Variants in ZNF219 observed in about 807,000 individuals in gnomAD.
The protein encoded by ZNF219 is zinc finger protein 219.
In ZNF219, 17 loss-of-function variants were observed where a neutral mutation model predicts 54.4. That is an observed-to-expected ratio of 0.31 (90% CI 0.21 to 0.47). ZNF219 has a LOEUF of 0.47. Among genes scored for constraint, ZNF219 ranks in the 20% least tolerant of loss-of-function variants. The probability of loss-of-function intolerance (pLI) is 1.00; values close to 1 mark genes in which losing one functional copy is unlikely to be tolerated. For synonymous variants in ZNF219, 518 were observed against 476.4 expected, an observed-to-expected ratio of 1.09 and a Z score of -1.14; for missense variants, 1,014 against 1,062.3, an observed-to-expected ratio of 0.95 and a Z score of 0.63.
At chr14:21,094,345 T>C (rs1050969761) in intron 1 of ZNF219, 9 of 455,022 alleles carry the variant, frequency 2.0e-5, no homozygotes, top group African/African-American at 4.0e-5. Flanking sequence ...GAGTGGAAGT[T>C]AAGGGGCACA....
At position 21,090,648 on chromosome 14, in the gene ZNF219, G is replaced by C; in HGVS notation, c.2057C>G (p.Pro686Arg). ...RRPPQADASP[P>R]YARVPSGETP... ...CTCTCCTGATGGTACTCGGGCATAG[G>C]GCGGGGACGCGTCAGCCTGGGGTGG... Residue 686 changes from proline to arginine, a missense_variant, in exon 5 of 5, where the codon CCC becomes CGC. By Grantham distance (103) the Pro-to-Arg change is moderately radical. This residue lies in a region of ZNF219 where 281 missense variants were observed against 271.2 expected (regional missense o/e 1.04). Coordinates refer to ENST00000360947, the MANE Select transcript of ZNF219 (RefSeq NM_016423.3). The surrounding 1 kb of genome is among the most constrained non-coding windows in gnomAD (Gnocchi z 4.4). 2 of 1,612,564 alleles carry C rather than the reference G, an allele frequency of 1.2e-6. No homozygotes were observed. Among genetic ancestry groups the C allele is most frequent in the East Asian group, 4.5e-5 (2 of 44,872 alleles).
At chr14:21,091,567 G>C in intron 3 of ZNF219, 25 bp from the exon 4 acceptor site, 13 of 1,583,218 alleles carry the variant, frequency 8.2e-6, no homozygotes, top group Non-Finnish European at 1.1e-5. Context: ...TTAAGAGGAA[G>C]TCAGGGGGGC....
At chr14:21,093,762 G>A in intron 1 of ZNF219, 88 bp from the exon 2 acceptor site, 1 of 1,258,166 alleles carries the variant, frequency 7.9e-7, no homozygotes, top group Non-Finnish European at 1.1e-6. Context: ...TCAGCATTCT[G>A]TATTCCCAAA....
upstream of ZNF219, chr14:21,102,966 G>A: frequency 7.4e-7 from 1 of 1,353,820 alleles, no homozygotes; most frequent in South Asian, 1.4e-5. Flanking sequence ...GAGGAAACTG[G>A]GAATCCAAAT....
upstream of ZNF219, among the ~76,000 whole-genome samples, chr14:21,099,506 T>C (rs533236748): frequency 9.9e-5 from 15 of 152,268 alleles, no homozygotes; most frequent in South Asian, 3.1e-3. Flanking sequence ...AAAGAGTAGA[T>C]ACAATGACCC....
At chr14:21,094,727 G>T (rs1158028227) in intron 1 of ZNF219, among the ~76,000 whole-genome samples, 1 of 16,434 alleles carries the variant, frequency 6.1e-5, no homozygotes, top group Non-Finnish European at 1.3e-4. Context: ...GATAGGGGTT[G>T]GGGGGGGGGG....
upstream of ZNF219, chr14:21,103,923 G>A (rs1359631664): frequency 1.3e-5 from 2 of 152,406 alleles, no homozygotes; most frequent in Admixed American, 6.5e-5. Flanking sequence ...TTCAGAGACT[G>A]GCGAGGGCTC....
At position 21,090,656 on chromosome 14, in the gene ZNF219, C is replaced by A. The variant is rs530837438; in HGVS notation, c.2049G>T (p.Ala683=). The change falls in exon 5 of 5, where the codon GCG becomes GCT. Residue 683 remains alanine, a synonymous_variant. Transcript: ENST00000360947. This position sits in a 1 kb window ranked among gnomAD's most constrained non-coding sequence, Gnocchi z 4.4. The part of the protein sequence containing the change: ...ARGRRPPQAD[A]SPPYARVPSG... ...ATGGTACTCGGGCATAGGGCGGGGA[C>A]GCGTCAGCCTGGGGTGGCCGGCGGC... 1.9e-6 allele frequency: 3 copies of A among 1,612,484 alleles called. No individual in the cohort carries two copies. Among genetic ancestry groups the A allele is most frequent in the South Asian group, 2.2e-5 (2 of 91,054 alleles).
chr14:21,093,748 A>G, intron 1 of ZNF219, 74 bp from the exon 2 acceptor site: 6 of 1,358,758 alleles, frequency 4.4e-6, no homozygotes, highest in Non-Finnish European at 5.2e-6. Context: ...CTACCCCCAG[A>G]CTCTCAGCAT....
intron 4 of ZNF219, 121 bp downstream of exon 4, chr14:21,091,290 A>G (rs920238613): frequency 1.7e-5 from 26 of 1,514,162 alleles, no homozygotes; most frequent in Admixed American, 6.3e-5. Flanking sequence ...GCGTTTCCCA[A>G]GTGATCTCAT....
chr14:21,092,287 G>C lies in ZNF219; in HGVS notation c.1010C>G (p.Ala337Gly). 6.6e-7 allele frequency: 1 copy of C among 1,510,314 alleles called. No homozygotes were observed. The highest frequency in any genetic ancestry group is 1.3e-5 in the South Asian group (1 of 79,854). The allele number at this position is 1,510,314 out of a possible 1,614,324, so 93.6% of individuals were successfully genotyped here. ...KLGPLRAPGPASGPARAPQPP... is the reference protein window; with the variant it reads ...KLGPLRAPGPGSGPARAPQPP... ...CTGGGGGGCGCGGGCAGGCCCGGAGGCAGGCCCCGGGGCACGCAGTGGGCC... is the reference window on the plus strand; with the variant it reads ...CTGGGGGGCGCGGGCAGGCCCGGAGCCAGGCCCCGGGGCACGCAGTGGGCC... Residue 337 changes from alanine (A) to glycine (G), a missense_variant, in exon 3 of 5, where the codon GCC (alanine) becomes GGC (glycine). Transcript: ENST00000360947.
chr14:21,096,092 T>C (rs1186770334), intron 1 of ZNF219, among the ~76,000 whole-genome samples: 4 of 152,160 alleles, frequency 2.6e-5, no homozygotes, highest in Non-Finnish European at 4.4e-5. Context: ...TATGGGCACA[T>C]ACTCTCATTC....
At position 21,090,285 on chromosome 14, in the gene ZNF219, T is replaced by C. The variant is rs780524167; in HGVS notation, c.*251A>G. 7 of 693,248 alleles carry C rather than the reference T, an allele frequency of 1.0e-5. No homozygotes were observed. In the South Asian group the frequency reaches 1.1e-4, roughly 10 times the overall value. The allele number at this position is 693,248 out of a possible 1,614,324, so 42.9% of individuals were successfully genotyped here. ...TGGCTCCTCAACAGGGACACAAACC[T>C]TCTCTGCCAGCCCAGGGACCCCGTT... On this transcript the variant is annotated 3_prime_UTR_variant, in exon 5 of 5. Transcript: ENST00000360947. The surrounding 1 kb of genome is among the most constrained non-coding windows in gnomAD (Gnocchi z 4.4).
chr14:21,096,945 C>A (rs1265209108), intron 1 of ZNF219, among the ~76,000 whole-genome samples: 1 of 152,188 alleles, frequency 6.6e-6, no homozygotes, highest in African/African-American at 2.4e-5. Flanking sequence ...TTGTAACTGC[C>A]TCTGGTCACC....
Position 21,093,024 on chromosome 14 carries a change from G to T in ZNF219, c.273C>A (p.Gly91=). Residue 91 remains glycine, a synonymous_variant, in exon 3 of 5, where the codon GGC becomes GGA. Coordinates refer to ENST00000360947, the MANE Select transcript of ZNF219 (RefSeq NM_016423.3). ...GCAGAGCCCGCTGCGCCGCGCGGTG[G>T]CCGCAGTGAGGGCACTGGAAGGCCT... The part of the protein sequence containing the change: ...GAQAFQCPHC[G]HRAAQRALLR... 1 of 1,599,032 alleles carries T rather than the reference G, an allele frequency of 6.3e-7. No individual in the cohort carries two copies.
Position 21,091,086 on chromosome 14 carries a change from G to T in ZNF219, c.1619C>A (p.Ser540Ter). The T allele has an allele frequency of 6.4e-7, 1 of 1,573,686 alleles. No homozygotes were observed. ...HCDYAGTQSG[S>*]LKYHLQRHHR... The stretch of plus-strand genomic sequence containing the variant: ...GTGGCGCTGTAGGTGATACTTGAGC[G>T]AGCCGGACTGGGTGCCCGCGTAGTC... The change falls in exon 5 of 5, where the codon TCG becomes TAG. Residue 540 changes from serine (S) to a stop codon, truncating the protein, a stop_gained. Coordinates refer to ENST00000360947, the MANE Select transcript of ZNF219 (RefSeq NM_016423.3). LOFTEE classifies it high-confidence loss of function.
At position 21,092,753 on chromosome 14, in the gene ZNF219, G is replaced by C. The variant is rs1314983608; in HGVS notation, c.544C>G (p.Leu182Val). The part of the protein sequence containing the change: ...FRTSAERERH[L>V]HILHRPWKCG... ...TTCCAGGGCCTATGCAGGATGTGCA[G>C]GTGGCGTTCGCGCTCCGCCGAGGTG... The change falls in exon 3 of 5, where the codon CTG becomes GTG. Residue 182 changes from leucine to valine, a missense_variant. Physicochemically the swap from Leu to Val is conservative, Grantham distance 32. Around this residue, in one of 5 missense-constraint regions of ZNF219, gnomAD observed 395 missense variants for 415.1 expected, o/e 0.95. Transcript: ENST00000360947. 6.3e-7 allele frequency: 1 copy of C among 1,582,340 alleles called. No individual in the cohort carries two copies. Among genetic ancestry groups the C allele is most frequent in the Non-Finnish European group, 8.6e-7 (1 of 1,164,388 alleles).
chr14:21,093,912 G>C, intron 1 of ZNF219: 1 of 471,734 alleles, frequency 2.1e-6, no homozygotes, highest in South Asian at 2.1e-5. Flanking sequence ...TAAATGCATG[G>C]TCCAGAACAA....
rs779245310 is a variant in ZNF219 at position 21,090,877 on chromosome 14, C to A, written c.1828G>T (p.Ala610Ser). 1.3e-6 allele frequency: 2 copies of A among 1,551,366 alleles called. No individual in the cohort carries two copies. The highest frequency in any genetic ancestry group is 1.9e-5 in the Admixed American group (1 of 51,666). ...TTGCGCAGGGTCCTCCCAGGGCTGG[C>A]GGGCTTCCGACGGGACCCCGGCCCA... ...GAGPGSRRKP[A>S]SPGRTLRNGR... Residue 610 changes from alanine to serine, a missense_variant, in exon 5 of 5, where the codon GCC becomes TCC. This residue lies in a region of ZNF219 where 281 missense variants were observed against 271.2 expected (regional missense o/e 1.04). Coordinates refer to ENST00000360947, the MANE Select transcript of ZNF219 (RefSeq NM_016423.3). The surrounding 1 kb of genome is among the most constrained non-coding windows in gnomAD (Gnocchi z 4.4).
Sources: allele counts gnomAD v4.1 joint callset (sites outside exome capture counted in the v4.1 genomes callset), GRCh38; gene constraint gnomAD v4.1.1; regional missense constraint gnomAD v4.1.1; non-coding constraint Gnocchi (gnomAD v3.1); transcripts MANE v1.5; gene names NCBI Gene and HGNC (gene_info 2026-07-23, HGNC 2026-07-21).